The following LAMA2 variants were observed in gnomAD, a reference collection of about 807,000 sequenced individuals.
LAMA2 encodes the protein laminin subunit alpha-2.
A neutral mutation model predicts 364.8 loss-of-function variants in LAMA2; 269 were observed. That is an observed-to-expected ratio of 0.74 (90% CI 0.67 to 0.82). The LOEUF is 0.82. Among genes scored for constraint, LAMA2 ranks in the 40% least tolerant of loss-of-function variants. LAMA2 has a pLI of 0.00. For synonymous variants in LAMA2, 1,379 were observed against 1,370.6 expected, an observed-to-expected ratio of 1.01 and a Z score of -0.14; for missense variants, 3,807 against 3,873.2, an observed-to-expected ratio of 0.98 and a Z score of 0.45.
At position 129,349,398 on chromosome 6, in the gene LAMA2, T is replaced by C. The variant is rs966632613; in HGVS notation, c.4523+14T>C. The C allele has an allele frequency of 6.3e-7, 1 of 1,591,618 alleles. No homozygotes were observed. Among genetic ancestry groups the C allele is most frequent in the Non-Finnish European group, 8.6e-7 (1 of 1,159,660 alleles). Reference sequence around the variant, plus strand: ...GTACTGTGAAAGGTACCAACAGCCATGAAACGTACAGAGTAATGATATGTA... The same window carrying C: ...GTACTGTGAAAGGTACCAACAGCCACGAAACGTACAGAGTAATGATATGTA... On this transcript the variant is annotated intron_variant, in intron 31 of 64. Coordinates refer to ENST00000421865, the MANE Select transcript of LAMA2 (RefSeq NM_000426.4).
chr6:129,323,246 A>G (rs1775075846), intron 28 of LAMA2, among the ~76,000 whole-genome samples: 1 of 152,202 alleles, frequency 6.6e-6, no homozygotes, highest in African/African-American at 2.4e-5. Flanking sequence ...CATTCCAGTA[A>G]CATATGCTTT....
intron 28 of LAMA2, 82 bp downstream of exon 28, chr6:129,320,737 C>G (rs866449672): frequency 1.3e-6 from 1 of 764,184 alleles, no homozygotes; most frequent in African/African-American, 1.7e-5. Flanking sequence ...ACCTTTACTG[C>G]ATACATATTC....
chr6:129,317,335 C>T (rs1201891313), intron 27 of LAMA2, among the ~76,000 whole-genome samples: 1 of 151,982 alleles, frequency 6.6e-6, no homozygotes, highest in Non-Finnish European at 1.5e-5. Context: ...CCTAGGAAAG[C>T]AAAACAGAAA....
chr6:129,169,488 A>G (rs1404017905), intron 9 of LAMA2, among the ~76,000 whole-genome samples: 2 of 151,108 alleles, frequency 1.3e-5, no homozygotes, highest in Middle Eastern at 3.4e-3. Context: ...ATATTGAACC[A>G]GCCTTGCATC....
intron 28 of LAMA2, among the ~76,000 whole-genome samples, chr6:129,322,335 C>T (rs1157058197): frequency 6.6e-6 from 1 of 152,132 alleles, no homozygotes; most frequent in African/African-American, 2.4e-5. Flanking sequence ...CATATGTACA[C>T]ATAGTGTATG....
rs763589558 is a variant in LAMA2, at chr6:129,442,207, C to G, written c.6269-856C>G. The G allele has an allele frequency of 1.5e-6, 2 of 1,320,494 alleles. No homozygotes were observed. Among genetic ancestry groups the G allele is most frequent in the Admixed American group, 4.4e-5 (2 of 45,962 alleles). 81.8% of individuals were successfully genotyped at this position (1,320,494 alleles called of 1,614,324 possible). A position where few individuals can be genotyped will look rare whatever the true frequency, so the allele number is the denominator to read the frequency against. On this transcript the variant is annotated intron_variant, in intron 43 of 64. Transcript: ENST00000421865. ...TTGAGTGGGGAATGGAGCCTGATTT[C>G]AGCATCCTAGCCTCAAATCAAATCC... is the stretch of plus-strand genomic sequence containing the variant.
intron 12 of LAMA2, among the ~76,000 whole-genome samples, chr6:129,236,917 G>A (rs886474862): frequency 3.3e-5 from 5 of 152,096 alleles, no homozygotes; most frequent in Non-Finnish European, 7.4e-5. Flanking sequence ...ATGTATCTAT[G>A]ATTGTGTATT....
intron 7 of LAMA2, 54 bp downstream of exon 7, chr6:129,149,150 A>G: frequency 8.8e-7 from 1 of 1,135,948 alleles, no homozygotes; most frequent in East Asian, 2.3e-5. Flanking sequence ...CAAGAAAAAA[A>G]GCCAGTAATG....
Position 128,886,172 on chromosome 6 carries a change from G to A in LAMA2, c.112+2815G>A, listed in dbSNP as rs192396548. ...TCCAAGCTTATCAGAACTGCATGTG[G>A]TCCAAAATTGATAGAGGTGGCTAAG... On this transcript the variant is annotated intron_variant, in intron 1 of 64. Coordinates refer to ENST00000421865, the MANE Select transcript of LAMA2 (RefSeq NM_000426.4). Among the ~76,000 whole-genome samples, 8 of 152,166 alleles carry A rather than the reference G, an allele frequency of 5.3e-5. No individual in the cohort carries two copies. In the East Asian group the frequency reaches 1.4e-3, roughly 26 times the overall value.
chr6:129,196,675 C>A (rs959519976), intron 12 of LAMA2, among the ~76,000 whole-genome samples: 4 of 152,060 alleles, frequency 2.6e-5, no homozygotes, highest in Non-Finnish European at 5.9e-5. Context: ...CTATTTAAAT[C>A]TTGGATTAAA....
chr6:129,219,331 A>G (rs373878744), intron 12 of LAMA2, among the ~76,000 whole-genome samples: 5 of 152,072 alleles, frequency 3.3e-5, no homozygotes, highest in South Asian at 2.1e-4. Context: ...GAAACAACAG[A>G]TGCTGGAGAG....
intron 7 of LAMA2, among the ~76,000 whole-genome samples, chr6:129,151,480 G>C (rs954334743): frequency 2.6e-5 from 4 of 152,124 alleles, no homozygotes; most frequent in Non-Finnish European, 4.4e-5. Flanking sequence ...TTGAGCCCAG[G>C]AGTTTGAGGC....
rs1781954739 is a variant in LAMA2 at position 129,438,712 on chromosome 6, T to C, written c.6035T>C (p.Leu2012Pro). Residue 2012 changes from leucine (L) to proline (P), a missense_variant, in exon 42 of 65, where the codon CTC becomes CCC. Leu to Pro is a moderately conservative substitution (Grantham distance 98). This residue lies in a region of LAMA2 where 3,333 missense variants were observed against 3,345.7 expected (regional missense o/e 1.00). Transcript: ENST00000421865. ...IENADARNGD[L>P]LRTLNDTLGK... is the part of the protein sequence containing the mutation. Reference sequence around the variant, plus strand: ...AATGCTGATGCTAGAAATGGGGATCTCTTGAGAACTTTGAATGACACTTTG... The same window carrying C: ...AATGCTGATGCTAGAAATGGGGATCCCTTGAGAACTTTGAATGACACTTTG... 1 of 1,609,378 alleles carries C rather than the reference T, an allele frequency of 6.2e-7. No individual in the cohort carries two copies. The highest frequency in any genetic ancestry group is 2.2e-5 in the East Asian group (1 of 44,750).
At chr6:129,315,424 G>C in intron 24 of LAMA2, 52 bp from the exon 25 acceptor site, 2 of 1,534,654 alleles carry the variant, frequency 1.3e-6, no homozygotes, top group Admixed American at 3.3e-5. Context: ...TAGTTTTAAA[G>C]AAATGTCCAA....
At chr6:129,212,533 C>A (rs2115075269) in intron 12 of LAMA2, among the ~76,000 whole-genome samples, 1 of 152,246 alleles carries the variant, frequency 6.6e-6, no homozygotes, top group Admixed American at 6.5e-5. Flanking sequence ...CAAAGATATA[C>A]AGCTTCTCCA....
intron 63 of LAMA2, among the ~76,000 whole-genome samples, chr6:129,513,739 CT>C (rs1786793927): frequency 6.6e-6 from 1 of 152,090 alleles, no homozygotes; most frequent in South Asian, 2.1e-4. Context: ...ACAGATTTTT[CT>C]CATTTAGACC....
In LAMA2 at chr6:129,083,076, T is replaced by TCA. The variant is rs10553801; in HGVS notation, c.397-15073_397-15072dup. The stretch of plus-strand genomic sequence containing the variant: ...TTATTTCTGTCTAGTTCTCCTCTGC[T>TCA]CACACACACACACACACACACACAC... On this transcript the variant is annotated intron_variant, in intron 3 of 64. Transcript: ENST00000421865. Among the ~76,000 whole-genome samples, 110 of 149,748 alleles carry TCA rather than the reference T, an allele frequency of 7.3e-4. 2 individuals carry two copies. In the South Asian group the frequency reaches 0.013, roughly 18 times the overall value.
At chr6:129,210,370 A>G (rs781072846) in intron 12 of LAMA2, among the ~76,000 whole-genome samples, 3 of 151,332 alleles carry the variant, frequency 2.0e-5, no homozygotes, top group African/African-American at 7.4e-5. Context: ...TTATTTATCA[A>G]TCTCATTAGA....
At chr6:129,173,044 G>A (rs1294370802) in intron 9 of LAMA2, among the ~76,000 whole-genome samples, 29 of 152,142 alleles carry the variant, frequency 1.9e-4, no homozygotes, top group Admixed American at 1.9e-3. Context: ...CGCAGGGTGC[G>A]CGCACCCACT....
Sources: allele counts gnomAD v4.1 joint callset (sites outside exome capture counted in the v4.1 genomes callset), GRCh38; gene constraint gnomAD v4.1.1; regional missense constraint gnomAD v4.1.1; transcripts MANE v1.5; gene names NCBI Gene and HGNC (gene_info 2026-07-23, HGNC 2026-07-21).